Variants in CSMD3 observed in about 807,000 individuals in gnomAD.
CSMD3 encodes CUB and Sushi multiple domains 3.
Under a neutral mutation model 435.2 loss-of-function variants are expected in CSMD3, and 177 were observed. The observed-to-expected ratio is 0.41, with a 90% CI of 0.36 to 0.46. CSMD3 has a LOEUF of 0.46. Among genes scored for constraint, CSMD3 ranks in the 20% least tolerant of loss-of-function variants. CSMD3 has a pLI of 0.34. For synonymous variants in CSMD3, 1,656 were observed against 1,520.5 expected, an observed-to-expected ratio of 1.09 and a Z score of -2.07; for missense variants, 4,265 against 4,504.6, an observed-to-expected ratio of 0.95 and a Z score of 1.52.
chr8:112,320,283 A>T (rs1004125468), intron 45 of CSMD3, among the ~76,000 whole-genome samples: 2 of 151,996 alleles, frequency 1.3e-5, no homozygotes, highest in Non-Finnish European at 2.9e-5. Flanking sequence ...GGAATTACGT[A>T]TTCATGTTTG....
At chr8:113,112,939 A>G (rs1396051534) in intron 4 of CSMD3, among the ~76,000 whole-genome samples, 2 of 152,192 alleles carry the variant, frequency 1.3e-5, no homozygotes, top group African/African-American at 4.8e-5. Context: ...ACTTTTGTGC[A>G]CAGTGCAATC....
chr8:112,550,944 G>A, intron 26 of CSMD3, 71 bp from the exon 27 acceptor site: 3 of 1,072,780 alleles, frequency 2.8e-6, no homozygotes, highest in Non-Finnish European at 2.9e-6. Flanking sequence ...TAGAACAAAT[G>A]TGCATTATGC....
chr8:112,420,644 G>C (rs1354763710), intron 32 of CSMD3, among the ~76,000 whole-genome samples: 1 of 152,062 alleles, frequency 6.6e-6, no homozygotes, highest in East Asian at 1.9e-4. Flanking sequence ...AAAGCAGAGA[G>C]ACTAAAATAG....
intron 3 of CSMD3, among the ~76,000 whole-genome samples, chr8:113,216,252 T>C (rs780065418): frequency 1.3e-5 from 2 of 151,896 alleles, no homozygotes; most frequent in Non-Finnish European, 2.9e-5. Context: ...GCAAATTATA[T>C]CTTGATTAGT....
chr8:112,765,186 G>A (rs920288717), intron 13 of CSMD3, among the ~76,000 whole-genome samples: 2 of 151,526 alleles, frequency 1.3e-5, no homozygotes, highest in African/African-American at 4.8e-5. Flanking sequence ...AGATTTTATT[G>A]TGAGCAATGG....
At chr8:113,051,880 G>A (rs199858907) in intron 5 of CSMD3, among the ~76,000 whole-genome samples, 1 of 152,088 alleles carries the variant, frequency 6.6e-6, no homozygotes, top group African/African-American at 2.4e-5. Flanking sequence ...GTGACAAGAT[G>A]ATATGTCAAT....
chr8:112,846,828 A>T (rs1212813631), intron 11 of CSMD3, among the ~76,000 whole-genome samples: 1 of 152,104 alleles, frequency 6.6e-6, no homozygotes, highest in Non-Finnish European at 1.5e-5. Context: ...GAACAAAAAA[A>T]ATAAGTACCA....
At chr8:112,595,372 AC>A (rs1831597612) in intron 22 of CSMD3, among the ~76,000 whole-genome samples, 1 of 140,452 alleles carries the variant, frequency 7.1e-6, no homozygotes, top group African/African-American at 2.7e-5. Flanking sequence ...ATGTGAAAAG[AC>A]CAAATCTACG....
chr8:112,728,314 T>C (rs575254940), intron 13 of CSMD3, among the ~76,000 whole-genome samples: 60 of 151,804 alleles, frequency 4.0e-4, no homozygotes, highest in African/African-American at 1.4e-3. Context: ...AAAATATGAG[T>C]TAGATGTAAT....
chr8:112,766,499 G>A (rs1468168675), intron 13 of CSMD3, among the ~76,000 whole-genome samples: 2 of 151,636 alleles, frequency 1.3e-5, no homozygotes, highest in African/African-American at 4.8e-5. Flanking sequence ...TTATAAAGTA[G>A]CAAAAAGTTA....
intron 66 of CSMD3, among the ~76,000 whole-genome samples, chr8:112,240,420 T>C (rs1814006552): frequency 6.6e-6 from 1 of 152,090 alleles, no homozygotes; most frequent in Non-Finnish European, 1.5e-5. Flanking sequence ...AACTCTGCCT[T>C]ACTTTTATGT....
intron 9 of CSMD3, among the ~76,000 whole-genome samples, chr8:112,928,758 G>T (rs1201364087): frequency 1.3e-5 from 2 of 150,152 alleles, no homozygotes; most frequent in Non-Finnish European, 1.5e-5. Flanking sequence ...ACATGTGCAT[G>T]TGTCTTTATA....
intron 16 of CSMD3, among the ~76,000 whole-genome samples, chr8:112,669,163 G>T (rs2075597623): frequency 6.6e-6 from 1 of 151,788 alleles, no homozygotes; most frequent in South Asian, 2.1e-4. Context: ...CTCCCGAGTA[G>T]CTGGGATTAC....
intron 3 of CSMD3, among the ~76,000 whole-genome samples, chr8:113,194,422 C>T (rs1333928302): frequency 6.6e-6 from 1 of 151,138 alleles, no homozygotes; most frequent in Non-Finnish European, 1.5e-5. Context: ...AGCTAGAGCA[C>T]AGAGGATTTT....
chr8:112,460,309 TGAG>T (rs1229158541), intron 32 of CSMD3, among the ~76,000 whole-genome samples: 1 of 151,958 alleles, frequency 6.6e-6, no homozygotes, highest in Non-Finnish European at 1.5e-5. Flanking sequence ...TTACCCACAA[TGAG>T]GTTAGAATTA....
At chr8:112,993,867 G>C (rs2085544451) in intron 6 of CSMD3, among the ~76,000 whole-genome samples, 1 of 151,738 alleles carries the variant, frequency 6.6e-6, no homozygotes, top group Non-Finnish European at 1.5e-5. Flanking sequence ...AGGAGAGGTA[G>C]AGATGAGTTT....
At chr8:112,307,581 C>T (rs921123522) in intron 50 of CSMD3, among the ~76,000 whole-genome samples, 16 of 152,058 alleles carry the variant, frequency 1.1e-4, no homozygotes, top group Admixed American at 2.0e-4. Flanking sequence ...CTGCATCTGG[C>T]CCTATGTGTA....
chr8:113,363,523 C>T (rs1243899086), intron 1 of CSMD3, among the ~76,000 whole-genome samples: 1 of 152,128 alleles, frequency 6.6e-6, no homozygotes, highest in East Asian at 1.9e-4. Flanking sequence ...TTCAGAAGGG[C>T]CTTGTTCCCG....
intron 3 of CSMD3, among the ~76,000 whole-genome samples, chr8:113,181,935 C>A (rs1018679700): frequency 7.9e-5 from 12 of 152,074 alleles, no homozygotes; most frequent in South Asian, 6.2e-4. Flanking sequence ...TAATTTAATT[C>A]TTTAAAAAGA....
Sources: gnomAD v4.1 joint callset for allele counts (sites outside exome capture counted in the v4.1 genomes callset) on GRCh38, gnomAD v4.1.1 for gene constraint, MANE v1.5 for transcripts, NCBI Gene and HGNC (gene_info 2026-07-23, HGNC 2026-07-21) for gene names.